SGTA: variants seen among roughly 807,000 people sequenced by gnomAD.
SGTA encodes the protein small glutamine rich tetratricopeptide repeat co-chaperone alpha, also known as small glutamine-rich tetratricopeptide repeat-containing protein alpha.
Under a neutral mutation model 44.3 loss-of-function variants are expected in SGTA, and 22 were observed. The ratio of observed to expected loss-of-function variants is 0.50; its 90% CI spans 0.36 to 0.71. The LOEUF (loss-of-function observed/expected upper bound fraction) is 0.71. Among genes scored for constraint, SGTA ranks in the 30% least tolerant of loss-of-function variants. SGTA has a pLI of 0.00. For synonymous variants in SGTA, 174 were observed against 177.6 expected (o/e 0.98, Z 0.16); for missense variants, 341 against 435.9 (o/e 0.78, Z 1.94).
intron 4 of SGTA, among the ~76,000 whole-genome samples, 163 bp downstream of exon 4, chr19:2,766,973 C>G (rs1342304857): frequency 6.6e-6 from 1 of 152,088 alleles, no homozygotes; most frequent in Non-Finnish European, 1.5e-5. Context: ...AGTCCCCTCG[C>G]CAGTCCCCCT....
At chr19:2,766,351 G>A (rs1915142789) in intron 4 of SGTA, among the ~76,000 whole-genome samples, 1 of 152,206 alleles carries the variant, frequency 6.6e-6, no homozygotes, top group African/African-American at 2.4e-5. Flanking sequence ...ATTCCACCGT[G>A]TAGATGGGCC....
chr19:2,767,358 C>T lies in SGTA; in HGVS notation c.208-138G>A. 2.7e-6 allele frequency: 2 copies of T among 745,866 alleles called. No homozygotes were observed. The highest frequency in any genetic ancestry group is 2.2e-6 in the Non-Finnish European group (1 of 453,726). 46.2% of individuals were successfully genotyped at this position (745,866 alleles called of 1,614,324 possible). A position where few individuals can be genotyped will look rare whatever the true frequency, so the allele number is the denominator to read the frequency against. ...GGCTCTGCAGGGGACTCCTGGCCCC[C>T]CATCATGTGGCCCTGGGCGAGTGAC... On this transcript the variant is annotated intron_variant, in intron 3 of 11. Coordinates refer to ENST00000221566, the MANE Select transcript of SGTA (RefSeq NM_003021.4). The surrounding 1 kb of genome is among the most constrained non-coding windows in gnomAD (Gnocchi z 7.3).
At chr19:2,768,760 C>A (rs564175981) in intron 2 of SGTA, among the ~76,000 whole-genome samples, 1 of 152,366 alleles carries the variant, frequency 6.6e-6, no homozygotes, top group South Asian at 2.1e-4. Context: ...GGTGGCGCCA[C>A]GCAGTGGCAG....
intron 9 of SGTA, among the ~76,000 whole-genome samples, chr19:2,758,069 G>C (rs1914879108): frequency 6.6e-6 from 1 of 152,208 alleles, no homozygotes; most frequent in South Asian, 2.1e-4. Context: ...ATTTGCAACA[G>C]CCATGATTGG....
Position 2,755,827 on chromosome 19 carries a change from GGTC to G in SGTA, c.*110_*112del, listed in dbSNP as rs1180433481. ...AATCCATCTTGACATGCAGGTCCGA[GGTC>G]TCTCTCTTCCCCTCTCTCAGGCAGT... On this transcript the variant is annotated 3_prime_UTR_variant, in exon 12 of 12. Transcript: ENST00000221566. The surrounding 1 kb of genome is among the most constrained non-coding windows in gnomAD (Gnocchi z 5.2). The G allele has an allele frequency of 1.0e-6, 1 of 985,440 alleles. No individual in the cohort carries two copies. Among genetic ancestry groups the G allele is most frequent in the African/African-American group, 1.7e-5 (1 of 57,238 alleles). The allele number at this position is 985,440 out of a possible 1,614,324, so 61.0% of individuals were successfully genotyped here. A position where few individuals can be genotyped will look rare whatever the true frequency, so the allele number is the denominator to read the frequency against.
intron 5 of SGTA, among the ~76,000 whole-genome samples, chr19:2,764,858 C>T (rs1280616020): frequency 2.0e-5 from 3 of 152,298 alleles, no homozygotes; most frequent in African/African-American, 2.4e-5. Flanking sequence ...TGAGCCACCG[C>T]GCCTGGCCCC....
intron 1 of SGTA, among the ~76,000 whole-genome samples, chr19:2,781,706 A>C (rs188604520): frequency 1.5e-4 from 23 of 152,120 alleles, no homozygotes. Context: ...AGGCAGTCTG[A>C]CTTGAGAAGC....
At chr19:2,758,837 A>T (rs1390265719) in intron 9 of SGTA, among the ~76,000 whole-genome samples, 1 of 152,252 alleles carries the variant, frequency 6.6e-6, no homozygotes, top group African/African-American at 2.4e-5. Flanking sequence ...GCCCCAGCAC[A>T]CATGCACCTT....
At chr19:2,764,728 G>C (rs1233086075) in intron 5 of SGTA, among the ~76,000 whole-genome samples, 2 of 152,040 alleles carry the variant, frequency 1.3e-5, no homozygotes, top group African/African-American at 4.8e-5. Context: ...CACTACACCC[G>C]GCTAATTTTG....
Position 2,761,428 on chromosome 19 carries a change from A to G in SGTA, c.699+32T>C. 1 of 1,540,368 alleles carries G rather than the reference A, an allele frequency of 6.5e-7. No individual in the cohort carries two copies. Among genetic ancestry groups the G allele is most frequent in the Non-Finnish European group, 8.8e-7 (1 of 1,137,220 alleles). On this transcript the variant is annotated intron_variant, in intron 8 of 11. Transcript: ENST00000221566. The surrounding 1 kb of genome is among the most constrained non-coding windows in gnomAD (Gnocchi z 5.7). ...TGCGGGCCTGGGGGGTGGCGCAGAC[A>G]CCATGGACAGGGAGGAGGGGCGGGC...
At chr19:2,777,188 T>C (rs1599508880) in intron 1 of SGTA, among the ~76,000 whole-genome samples, 1 of 147,826 alleles carries the variant, frequency 6.8e-6, no homozygotes, top group African/African-American at 2.5e-5. Flanking sequence ...GAGGTGGAGG[T>C]TGCCGTGAGC....
rs958319598 is a variant in SGTA, at chr19:2,761,126, G to A, written c.699+334C>T. On this transcript the variant is annotated intron_variant, in intron 8 of 11. Transcript: ENST00000221566. The surrounding 1 kb of genome is among the most constrained non-coding windows in gnomAD (Gnocchi z 5.7). ...CTCTGCACTGCGAGGAGGAGCCCAC[G>A]CCAGGGTGGGGTGGGGGTGTGACCT... 7.9e-5 allele frequency among the ~76,000 whole-genome samples: 12 copies of A among 152,200 alleles called. No individual in the cohort carries two copies. Among genetic ancestry groups the A allele is most frequent in the Non-Finnish European group, 1.2e-4 (8 of 68,024 alleles).
rs555385688 is a variant in SGTA at position 2,765,076 on chromosome 19, T to C, written c.392+110A>G. 28 of 727,340 alleles carry C rather than the reference T, an allele frequency of 3.8e-5. No individual in the cohort carries two copies. In the East Asian group the frequency reaches 7.4e-4, roughly 19 times the overall value. The allele number at this position is 727,340 out of a possible 1,614,324, so 45.1% of individuals were successfully genotyped here. ...TGGTCTGAGACCACCGGTGAATGGA[T>C]CCCTCATCTACAGCGCAGAGGCCTC... is the stretch of plus-strand genomic sequence containing the variant. On this transcript the variant is annotated intron_variant, in intron 5 of 11. Transcript: ENST00000221566. This position sits in a 1 kb window ranked among gnomAD's most constrained non-coding sequence, Gnocchi z 5.5.
chr19:2,780,671 A>G lies in SGTA; in HGVS notation c.-24+2562T>C, dbSNP rs909963812. Among the ~76,000 whole-genome samples the G allele has an allele frequency of 3.9e-5, 6 of 152,312 alleles. No homozygotes were observed. The South Asian group carries it at 1.2e-3, about 32-fold the overall frequency. ...ACCCATCTTCCCTTTGAACGCCAGCATCTGGCAGCGTCTAAACCCTATGGA... is the reference window on the plus strand; with the variant it reads ...ACCCATCTTCCCTTTGAACGCCAGCGTCTGGCAGCGTCTAAACCCTATGGA... On this transcript the variant is annotated intron_variant, in intron 1 of 11. Transcript: ENST00000221566.
chr19:2,770,986 T>G (rs551789321), intron 1 of SGTA, among the ~76,000 whole-genome samples: 1 of 152,364 alleles, frequency 6.6e-6, no homozygotes, highest in Admixed American at 6.5e-5. Flanking sequence ...GCAAAGCCTG[T>G]GAGCTCGGAC....
intron 1 of SGTA, among the ~76,000 whole-genome samples, chr19:2,780,042 T>C (rs1915536803): frequency 6.6e-6 from 1 of 152,124 alleles, no homozygotes; most frequent in Non-Finnish European, 1.5e-5. Flanking sequence ...TGAGCTGTGA[T>C]TGGGCCCTGC....
chr19:2,777,191 C>T (rs763839646), intron 1 of SGTA, among the ~76,000 whole-genome samples: 5 of 151,308 alleles, frequency 3.3e-5, no homozygotes, highest in Non-Finnish European at 5.9e-5. Context: ...GTGGAGGTTG[C>T]CGTGAGCCAA....
intron 7 of SGTA, 126 bp downstream of exon 7, chr19:2,762,380 T>C: frequency 1.1e-6 from 1 of 938,612 alleles, no homozygotes; most frequent in Non-Finnish European, 1.6e-6. Context: ...CACCACCAAC[T>C]GAAACAAACC....
Position 2,765,722 on chromosome 19 carries a change from G to T in SGTA, c.293-437C>A, listed in dbSNP as rs528047298. ...ACCTTCTCATTTCATAGGCAATGGG[G>T]CTTCTATCTGAGGCATGGGTCCCAG... is the stretch of plus-strand genomic sequence containing the variant. On this transcript the variant is annotated intron_variant, in intron 4 of 11. Coordinates refer to ENST00000221566, the MANE Select transcript of SGTA (RefSeq NM_003021.4). This position sits in a 1 kb window ranked among gnomAD's most constrained non-coding sequence, Gnocchi z 5.5. Among the ~76,000 whole-genome samples the T allele has an allele frequency of 1.3e-5, 2 of 152,154 alleles. No homozygotes were observed. Among genetic ancestry groups the T allele is most frequent in the Non-Finnish European group, 2.9e-5 (2 of 68,028 alleles).
Sources: gnomAD v4.1 joint callset for allele counts (sites outside exome capture counted in the v4.1 genomes callset) on GRCh38, gnomAD v4.1.1 for gene constraint, Gnocchi (gnomAD v3.1) non-coding constraint, MANE v1.5 for transcripts, NCBI Gene and HGNC (gene_info 2026-07-23, HGNC 2026-07-21) for gene names.